TMEM26: variants seen among roughly 807,000 people sequenced by gnomAD.
The protein encoded by TMEM26 is transmembrane protein 26.
Under a neutral mutation model 28.8 loss-of-function variants are expected in TMEM26, and 38 were observed. The ratio of observed to expected loss-of-function variants is 1.32; its 90% CI spans 1.02 to 1.73. The LOEUF (loss-of-function observed/expected upper bound fraction) is 1.73. Ranked by LOEUF, TMEM26 falls within the 40% of genes most tolerant of loss-of-function variation. The pLI is 0.00. For missense variants in TMEM26, 518 were observed against 447.1 expected (o/e 1.16, Z -1.43); for synonymous variants, 227 against 182.9 (o/e 1.24, Z -1.95).
In TMEM26 at chr10:61,408,042, G is replaced by A. The variant is rs963931060; in HGVS notation, c.*2280C>T. On this transcript the variant is annotated 3_prime_UTR_variant, in exon 6 of 6. Transcript: ENST00000399298. ...GGCTAATATATAACCTAGGTTTAGA[G>A]CTTTTATTCAAATAAACTAAGCAAA... 1 of 152,130 alleles carries A rather than the reference G, an allele frequency of 6.6e-6. No individual in the cohort carries two copies. The highest frequency in any genetic ancestry group is 2.4e-5 in the African/African-American group (1 of 41,428). The allele number at this position is 152,130 out of a possible 1,614,324, so 9.4% of individuals were successfully genotyped here. A position where few individuals can be genotyped will look rare whatever the true frequency, so the allele number is the denominator to read the frequency against.
intron 5 of TMEM26, chr10:61,412,876 T>C (rs1564471558): frequency 4.1e-6 from 5 of 1,215,646 alleles, no homozygotes; most frequent in Non-Finnish European, 5.4e-6. Context: ...GGGAAACAGA[T>C]TACTTCTTGC....
chr10:61,443,308 A>T (rs562329332), intron 1 of TMEM26, among the ~76,000 whole-genome samples: 1 of 151,738 alleles, frequency 6.6e-6, no homozygotes, highest in South Asian at 2.1e-4. Flanking sequence ...AAAAAAAAAA[A>T]AAAAAAATTA....
intron 4 of TMEM26, among the ~76,000 whole-genome samples, chr10:61,426,777 T>C (rs918537174): frequency 3.9e-5 from 6 of 152,102 alleles, no homozygotes; most frequent in African/African-American, 1.2e-4. Flanking sequence ...TCTCCATGAT[T>C]ATCCTCTTGA....
At position 61,431,276 on chromosome 10, in the gene TMEM26, G is replaced by A. The variant is rs1839917991; in HGVS notation, c.327C>T (p.Phe109=). ...TSQNTSRKED[F]NQTLTSNEQT... ...GTTCATTGGATGTCAATGTTTGATT[G>A]AAGTCTTCTTTTCTGCTGGTATTCT... is the stretch of plus-strand genomic sequence containing the variant. Residue 109 remains phenylalanine, a synonymous_variant, in exon 3 of 6, where the codon TTC becomes TTT. Coordinates refer to ENST00000399298, the MANE Select transcript of TMEM26 (RefSeq NM_178505.8). 6 of 1,613,204 alleles carry A rather than the reference G, an allele frequency of 3.7e-6. No individual in the cohort carries two copies. Among genetic ancestry groups the A allele is most frequent in the Non-Finnish European group, 5.1e-6 (6 of 1,179,392 alleles).
intron 5 of TMEM26, among the ~76,000 whole-genome samples, chr10:61,411,528 C>T (rs573066697): frequency 6.6e-6 from 1 of 152,274 alleles, no homozygotes; most frequent in African/African-American, 2.4e-5. Context: ...TGCTTATATT[C>T]AAATTCAAAC....
intron 2 of TMEM26, among the ~76,000 whole-genome samples, chr10:61,435,487 CTATTT>C (rs1300681188): frequency 2.0e-5 from 3 of 152,270 alleles, no homozygotes; most frequent in Middle Eastern, 3.4e-3. Context: ...CCGGAAGCTA[CTATTT>C]TATTTCTATG....
At chr10:61,439,878 C>A (rs1367307050) in intron 1 of TMEM26, among the ~76,000 whole-genome samples, 1 of 152,132 alleles carries the variant, frequency 6.6e-6, no homozygotes, top group Non-Finnish European at 1.5e-5. Context: ...AGAGGACACC[C>A]AATTAGGAGA....
chr10:61,411,068 T>C (rs1429378871), intron 5 of TMEM26, among the ~76,000 whole-genome samples: 1 of 152,142 alleles, frequency 6.6e-6, no homozygotes, highest in African/African-American at 2.4e-5. Flanking sequence ...AGGCTGAGGC[T>C]GCACCATGGG....
intron 4 of TMEM26, chr10:61,416,250 C>T: frequency 2.7e-6 from 1 of 369,410 alleles, no homozygotes; most frequent in South Asian, 2.2e-5. Context: ...AAACTATGTG[C>T]AATTTGCCTG....
chr10:61,412,878 A>G (rs1839589977), intron 5 of TMEM26: 1 of 1,218,992 alleles, frequency 8.2e-7, no homozygotes. Context: ...GAAACAGATT[A>G]CTTCTTGCAA....
At chr10:61,422,038 T>C (rs1198425509) in intron 4 of TMEM26, among the ~76,000 whole-genome samples, 3 of 152,090 alleles carry the variant, frequency 2.0e-5, no homozygotes, top group Non-Finnish European at 4.4e-5. Context: ...CAAAATTGAC[T>C]TTCAGAAAAG....
At chr10:61,430,055 C>G (rs1839895534) in intron 3 of TMEM26, among the ~76,000 whole-genome samples, 1 of 152,034 alleles carries the variant, frequency 6.6e-6, no homozygotes, top group Non-Finnish European at 1.5e-5. Flanking sequence ...CAAGAATATT[C>G]CATCTGTACG....
intron 4 of TMEM26, among the ~76,000 whole-genome samples, chr10:61,418,168 A>G (rs1193604584): frequency 2.0e-5 from 3 of 152,030 alleles, no homozygotes; most frequent in Non-Finnish European, 2.9e-5. Flanking sequence ...CAACTCTGCT[A>G]AAACAAAAAG....
rs76254652 is a variant in TMEM26, at chr10:61,432,440, A to G, written c.271-1108T>C. ...TGCTGGGAATCCGAGGTAAAGTAAG[A>G]AAAGGAAAAATTATGTAAGAGAAGA... On this transcript the variant is annotated intron_variant, in intron 2 of 5. Transcript: ENST00000399298. Among the ~76,000 whole-genome samples, 997 of 152,294 alleles carry G rather than the reference A, an allele frequency of 6.5e-3. 30 individuals carry two copies. The highest frequency in any genetic ancestry group is 0.062 in the East Asian group (324 of 5,188).
chr10:61,433,033 T>C (rs1042194808), intron 2 of TMEM26, among the ~76,000 whole-genome samples: 8 of 152,168 alleles, frequency 5.3e-5, no homozygotes, highest in African/African-American at 1.9e-4. Flanking sequence ...TTGACCACTT[T>C]GTAGGCATGA....
In TMEM26 at chr10:61,410,641, A is replaced by G; in HGVS notation, c.788T>C (p.Ile263Thr). Residue 263 changes from isoleucine (I) to threonine (T), a missense_variant, in exon 6 of 6, where the codon ATA (isoleucine) becomes ACA (threonine). Coordinates refer to ENST00000399298, the MANE Select transcript of TMEM26 (RefSeq NM_178505.8). The stretch of plus-strand genomic sequence containing the variant: ...CACGACAAGGAAGGGGCCATCTTGT[A>G]TGAAGACGCTGATTCCGATGTTCCA... ...DLWNIGISVF[I>T]QDGPFLVVRL... 1 of 1,614,194 alleles carries G rather than the reference A, an allele frequency of 6.2e-7. No homozygotes were observed. The highest frequency in any genetic ancestry group is 1.7e-5 in the Admixed American group (1 of 60,020).
chr10:61,424,887 A>C (rs575977026), intron 4 of TMEM26, among the ~76,000 whole-genome samples: 2 of 152,216 alleles, frequency 1.3e-5, no homozygotes, highest in South Asian at 2.1e-4. Context: ...TGCCAAAAAT[A>C]AAAAATAAAC....
At chr10:61,425,281 G>A (rs527776521) in intron 4 of TMEM26, among the ~76,000 whole-genome samples, 76 of 152,228 alleles carry the variant, frequency 5.0e-4, no homozygotes, top group Middle Eastern at 6.8e-3. Context: ...TTCCTCCCAT[G>A]ACACCTGGGA....
intron 1 of TMEM26, among the ~76,000 whole-genome samples, chr10:61,440,924 T>C (rs570479294): frequency 6.6e-6 from 1 of 152,368 alleles, no homozygotes; most frequent in East Asian, 1.9e-4. Context: ...GATAGTGTAG[T>C]ATTTGCATAT....
Sources: allele counts gnomAD v4.1 joint callset (sites outside exome capture counted in the v4.1 genomes callset), GRCh38; gene constraint gnomAD v4.1.1; transcripts MANE v1.5; gene names NCBI Gene and HGNC (gene_info 2026-07-23, HGNC 2026-07-21).